Variants in CDH12 observed in about 807,000 individuals in gnomAD.
The protein encoded by CDH12 is cadherin 12.
A neutral mutation model predicts 74.1 loss-of-function variants in CDH12; 41 were observed. The observed-to-expected ratio is 0.55, with a 90% CI of 0.43 to 0.72. The LOEUF (loss-of-function observed/expected upper bound fraction) is 0.72. CDH12 is among the 30% of genes least tolerant of loss of function. The pLI, the probability that CDH12 is intolerant of heterozygous loss-of-function variation, is 0.00. For synonymous variants in CDH12, 399 were observed against 355.0 expected (o/e 1.12, Z -1.39); for missense variants, 945 against 977.2 (o/e 0.97, Z 0.44).
intron 1 of CDH12, among the ~76,000 whole-genome samples, chr5:22,570,044 TTTA>T (rs1739468677): frequency 6.7e-6 from 1 of 149,190 alleles, no homozygotes; most frequent in African/African-American, 2.5e-5. Context: ...GTTTTATTTA[TTTA>T]TTTATTTATT....
At chr5:22,169,677 A>T (rs1427684853) in intron 4 of CDH12, among the ~76,000 whole-genome samples, 1 of 151,884 alleles carries the variant, frequency 6.6e-6, no homozygotes, top group African/African-American at 2.4e-5. Context: ...AAAGAGAGAG[A>T]TAGAAATGAT....
intron 4 of CDH12, among the ~76,000 whole-genome samples, chr5:22,189,324 A>C (rs1409683869): frequency 6.6e-6 from 1 of 152,194 alleles, no homozygotes; most frequent in Non-Finnish European, 1.5e-5. Flanking sequence ...CTAACAATTG[A>C]TTACAGTTCA....
At chr5:22,246,861 C>G (rs1489644809) in intron 3 of CDH12, among the ~76,000 whole-genome samples, 2 of 152,078 alleles carry the variant, frequency 1.3e-5, no homozygotes, top group East Asian at 3.9e-4. Context: ...GTCAACTTAT[C>G]TATTCTTAAG....
chr5:22,595,538 A>C (rs1482269068), intron 1 of CDH12, among the ~76,000 whole-genome samples: 2 of 152,208 alleles, frequency 1.3e-5, no homozygotes, highest in East Asian at 3.8e-4. Flanking sequence ...CTATATAAGT[A>C]TGGTTATTTC....
intron 1 of CDH12, among the ~76,000 whole-genome samples, chr5:22,707,795 G>A (rs1486691321): frequency 6.6e-6 from 1 of 152,058 alleles, no homozygotes; most frequent in East Asian, 1.9e-4. Context: ...CATATTTGAT[G>A]CTAAAACTTT....
intron 1 of CDH12, among the ~76,000 whole-genome samples, chr5:22,664,299 C>CA (rs1305237340): frequency 1.3e-5 from 2 of 152,158 alleles, no homozygotes; most frequent in East Asian, 3.9e-4. Context: ...TTAAATGACT[C>CA]ACATTCAGCA....
chr5:22,085,883 T>C (rs1208840246), intron 4 of CDH12, among the ~76,000 whole-genome samples: 1 of 152,192 alleles, frequency 6.6e-6, no homozygotes, highest in African/African-American at 2.4e-5. Flanking sequence ...ATTTAAAGAC[T>C]TCAAGCAAAT....
chr5:21,898,206 T>C (rs1468517732), intron 6 of CDH12, among the ~76,000 whole-genome samples: 1 of 152,058 alleles, frequency 6.6e-6, no homozygotes, highest in African/African-American at 2.4e-5. Context: ...ATTTTTTTTC[T>C]GTTTTTCTTT....
At chr5:22,623,409 A>G (rs1034468357) in intron 1 of CDH12, among the ~76,000 whole-genome samples, 2 of 152,220 alleles carry the variant, frequency 1.3e-5, no homozygotes, top group African/African-American at 4.8e-5. Context: ...GTATATTTAG[A>G]AAACCCCACA....
chr5:22,013,521 G>A (rs1365698012), intron 5 of CDH12, among the ~76,000 whole-genome samples: 1 of 152,078 alleles, frequency 6.6e-6, no homozygotes, highest in Non-Finnish European at 1.5e-5. Flanking sequence ...ATAAATAGAT[G>A]TTTAGTGGAA....
intron 6 of CDH12, among the ~76,000 whole-genome samples, chr5:21,898,596 G>C (rs1022006557): frequency 3.9e-5 from 6 of 152,010 alleles, no homozygotes; most frequent in African/African-American, 1.4e-4. Context: ...CAGCTACTCG[G>C]GAGGCTGAGG....
At chr5:21,999,449 G>A (rs1223731446) in intron 5 of CDH12, among the ~76,000 whole-genome samples, 5 of 152,062 alleles carry the variant, frequency 3.3e-5, no homozygotes, top group East Asian at 1.9e-4. Context: ...GGTTTGATGC[G>A]CTATCAGTTA....
Position 21,760,607 on chromosome 5 carries a change from T to C in CDH12, c.1584A>G (p.Leu528=), listed in dbSNP as rs1744664247. Residue 528 remains leucine, a synonymous_variant, in exon 13 of 15, where the codon TTA becomes TTG. Transcript: ENST00000382254. ...TTGGTTTGATAGCAGCCTCAGGTGA[T>C]AATCTAAAGGAGAATTGTTGCCCAG... ...SPAGQQFSFR[L]SPEAAIKPNF... is the part of the protein sequence containing the mutation. The C allele has an allele frequency of 1.9e-6, 3 of 1,612,130 alleles. No individual in the cohort carries two copies.
rs545464320 is a variant in CDH12, at chr5:21,898,285, G to A, written c.527-43495C>T. 3.3e-5 allele frequency among the ~76,000 whole-genome samples: 5 copies of A among 152,142 alleles called. 1 individual carries two copies. In the South Asian group the frequency reaches 1.0e-3, roughly 32 times the overall value. On this transcript the variant is annotated intron_variant, in intron 6 of 14. Transcript: ENST00000382254. ...AGACCAGGATGGAGTGTAGTGGTGT[G>A]ATCTCATATGTCATAGCATCCTCAA...
intron 1 of CDH12, among the ~76,000 whole-genome samples, chr5:22,688,870 TTGAA>T (rs1245895863): frequency 5.9e-5 from 9 of 152,312 alleles, no homozygotes; most frequent in African/African-American, 2.2e-4. Context: ...AATCTCACTC[TTGAA>T]TTAATTAGGA....
chr5:22,804,264 T>C (rs1167575188), intron 1 of CDH12, among the ~76,000 whole-genome samples: 1 of 152,210 alleles, frequency 6.6e-6, no homozygotes, highest in Non-Finnish European at 1.5e-5. Context: ...ATGTACACTG[T>C]TCCTATGTTT....
At chr5:22,029,862 C>A in intron 5 of CDH12, among the ~76,000 whole-genome samples, 1 of 151,694 alleles carries the variant, frequency 6.6e-6, no homozygotes, top group Non-Finnish European at 1.5e-5. Context: ...TGGAACCAAC[C>A]CAAATGTCCA....
At chr5:22,779,705 C>A (rs548303917) in intron 1 of CDH12, among the ~76,000 whole-genome samples, 1 of 152,098 alleles carries the variant, frequency 6.6e-6, no homozygotes, top group Non-Finnish European at 1.5e-5. Context: ...CTTTTACATG[C>A]GTTCTAACTC....
At chr5:22,690,269 C>T (rs1449250016) in intron 1 of CDH12, among the ~76,000 whole-genome samples, 1 of 152,026 alleles carries the variant, frequency 6.6e-6, no homozygotes, top group Non-Finnish European at 1.5e-5. Flanking sequence ...AATCTTCTTC[C>T]TGATAATAAC....
Sources: gnomAD v4.1 joint callset for allele counts (sites outside exome capture counted in the v4.1 genomes callset) on GRCh38, gnomAD v4.1.1 for gene constraint, MANE v1.5 for transcripts, NCBI Gene and HGNC (gene_info 2026-07-23, HGNC 2026-07-21) for gene names.